The following FTO variants were observed in gnomAD, a reference collection of about 807,000 sequenced individuals.
FTO encodes the protein alpha-ketoglutarate-dependent dioxygenase FTO.
In FTO, 47 loss-of-function variants were observed where a neutral mutation model predicts 63.9. That is an observed-to-expected ratio of 0.74 (90% CI 0.58 to 0.94). The LOEUF (loss-of-function observed/expected upper bound fraction) is 0.94. Ranked by LOEUF, FTO falls within the 40% of genes least tolerant of loss-of-function variation. The pLI, the probability that FTO is intolerant of heterozygous loss-of-function variation, is 0.00. For missense variants in FTO, 562 were observed against 618.1 expected, an observed-to-expected ratio of 0.91 and a Z score of 0.96; for synonymous variants, 207 against 224.4, an observed-to-expected ratio of 0.92 and a Z score of 0.69.
chr16:54,038,754 C>G (rs2085003523), intron 8 of FTO, among the ~76,000 whole-genome samples: 1 of 152,162 alleles, frequency 6.6e-6, no homozygotes, highest in South Asian at 2.1e-4. Context: ...ATGCCTGTAC[C>G]CTCTTCGCCT....
chr16:54,020,157 A>T (rs1288658117), intron 8 of FTO, among the ~76,000 whole-genome samples: 1 of 152,186 alleles, frequency 6.6e-6, no homozygotes, highest in African/African-American at 2.4e-5. Context: ...CCAACCTAGA[A>T]ATTATACTGT....
chr16:53,898,238 C>T (rs566506033), intron 7 of FTO, among the ~76,000 whole-genome samples: 1 of 152,320 alleles, frequency 6.6e-6, no homozygotes, highest in Admixed American at 6.5e-5. Context: ...GTCTGCCTTA[C>T]TATGTCTAGA....
At chr16:53,894,730 C>T (rs1240833483) in intron 7 of FTO, among the ~76,000 whole-genome samples, 1 of 151,922 alleles carries the variant, frequency 6.6e-6, no homozygotes, top group Non-Finnish European at 1.5e-5. Flanking sequence ...TCCCATTTTT[C>T]AGGGTTAGCA....
At chr16:53,810,272 TTTTACCTATGAGGAAGCTGGGCTAG>T in intron 2 of FTO, 55 bp downstream of exon 2, 1 of 1,272,600 alleles carries the variant, frequency 7.9e-7, no homozygotes. Context: ...ATCAACCTTA[TTTTACCTATGAGGAAGCTGGGCTAG>T]AGAGGTTAAA....
At chr16:53,865,062 A>G (rs2080269933) in intron 4 of FTO, among the ~76,000 whole-genome samples, 1 of 152,116 alleles carries the variant, frequency 6.6e-6, no homozygotes, top group Admixed American at 6.5e-5. Context: ...TAACAAACCT[A>G]CTCATTAAGG....
chr16:53,880,826 G>C (rs369966577), intron 6 of FTO, among the ~76,000 whole-genome samples: 1 of 151,378 alleles, frequency 6.6e-6, no homozygotes, highest in Non-Finnish European at 1.5e-5. Context: ...GGACATGGCC[G>C]GGTGTGGTGG....
At chr16:53,762,515 G>C (rs944855320) in intron 1 of FTO, among the ~76,000 whole-genome samples, 4 of 152,088 alleles carry the variant, frequency 2.6e-5, no homozygotes, top group Non-Finnish European at 5.9e-5. Flanking sequence ...GGCTTGATCA[G>C]ACAATATAAG....
At chr16:53,777,087 A>G (rs780968352) in intron 1 of FTO, among the ~76,000 whole-genome samples, 6 of 152,176 alleles carry the variant, frequency 3.9e-5, no homozygotes, top group Admixed American at 2.6e-4. Flanking sequence ...CTTAAAATCT[A>G]CTATTTTAGC....
At position 53,856,306 on chromosome 16, in the gene FTO, C is replaced by G. The variant is rs191231710; in HGVS notation, c.895+12008C>G. Among the ~76,000 whole-genome samples the G allele has an allele frequency of 2.1e-3, 322 of 151,724 alleles. 1 individual carries two copies. The highest frequency in any genetic ancestry group is 7.4e-3 in the African/African-American group (304 of 41,356). ...CACGTTTCAAGGTCAGACTATATAC[C>G]TCATGCTGGAAGGTTCCTTAGACTT... On this transcript the variant is annotated intron_variant, in intron 4 of 8. Coordinates refer to ENST00000471389, the MANE Select transcript of FTO (RefSeq NM_001080432.3).
At chr16:54,077,736 CA>C (rs1281043209) in intron 8 of FTO, among the ~76,000 whole-genome samples, 2 of 152,066 alleles carry the variant, frequency 1.3e-5, no homozygotes, top group East Asian at 1.9e-4. Context: ...AATCAGATGG[CA>C]GGGGGGCAGG....
intron 8 of FTO, among the ~76,000 whole-genome samples, chr16:53,950,843 A>G (rs770844949): frequency 5.9e-5 from 9 of 152,222 alleles, no homozygotes; most frequent in Non-Finnish European, 1.0e-4. Flanking sequence ...TTCAGCCACC[A>G]GAGTTCTCAG....
chr16:54,009,121 G>A (rs1294268760), intron 8 of FTO, among the ~76,000 whole-genome samples: 10 of 152,138 alleles, frequency 6.6e-5, no homozygotes, highest in Admixed American at 1.3e-4. Context: ...CCTGAACTCG[G>A]CATAGCACCA....
chr16:53,975,668 C>CAAAAAA (rs11388323), intron 8 of FTO, among the ~76,000 whole-genome samples: 1 of 147,494 alleles, frequency 6.8e-6, no homozygotes, highest in Non-Finnish European at 1.5e-5. Context: ...CTACAGTCCT[C>CAAAAAA]AAAAAAAAAA....
intron 1 of FTO, among the ~76,000 whole-genome samples, chr16:53,711,690 C>G (rs2075781469): frequency 6.6e-6 from 1 of 152,138 alleles, no homozygotes. Context: ...TTCAAAGACT[C>G]TTATGCTGGC....
intron 1 of FTO, among the ~76,000 whole-genome samples, chr16:53,768,500 A>G (rs1355777502): frequency 6.6e-6 from 1 of 152,120 alleles, no homozygotes; most frequent in Non-Finnish European, 1.5e-5. Context: ...TGGAATAGAT[A>G]TTTCTTACCC....
chr16:54,054,798 G>T (rs1338212443), intron 8 of FTO, among the ~76,000 whole-genome samples: 7 of 152,196 alleles, frequency 4.6e-5, no homozygotes, highest in Admixed American at 3.9e-4. Flanking sequence ...AATGAAAAAG[G>T]AGTGAAAGAT....
chr16:53,767,130 C>T (rs747465186), intron 1 of FTO, among the ~76,000 whole-genome samples: 6 of 152,182 alleles, frequency 3.9e-5, no homozygotes, highest in Non-Finnish European at 8.8e-5. Flanking sequence ...GGCCTCTGTG[C>T]TGACCTCCAC....
At chr16:53,800,735 T>C in intron 1 of FTO, among the ~76,000 whole-genome samples, 1 of 151,110 alleles carries the variant, frequency 6.6e-6, no homozygotes, top group African/African-American at 2.4e-5. Flanking sequence ...CTTTTTCTCT[T>C]GTAATATTTT....
chr16:53,904,385 C>T (rs2081483093), intron 7 of FTO, among the ~76,000 whole-genome samples: 1 of 152,170 alleles, frequency 6.6e-6, no homozygotes, highest in African/African-American at 2.4e-5. Flanking sequence ...TACCCAGGCT[C>T]CATTCTGTTA....
Sources: gnomAD v4.1 joint callset for allele counts (sites outside exome capture counted in the v4.1 genomes callset) on GRCh38, gnomAD v4.1.1 for gene constraint, MANE v1.5 for transcripts, NCBI Gene and HGNC (gene_info 2026-07-23, HGNC 2026-07-21) for gene names.